ITGA3: variants seen among roughly 807,000 people sequenced by gnomAD.
The protein encoded by ITGA3 is integrin subunit alpha 3, also known as integrin alpha-3.
A neutral mutation model predicts 131.1 loss-of-function variants in ITGA3; 70 were observed. That is an observed-to-expected ratio of 0.53 (90% CI 0.44 to 0.65). ITGA3 has a LOEUF of 0.65. Ranked by LOEUF, ITGA3 falls within the 30% of genes least tolerant of loss-of-function variation. The pLI, the probability that ITGA3 is intolerant of heterozygous loss-of-function variation, is 0.00. For synonymous variants in ITGA3, 537 were observed against 571.6 expected (o/e 0.94, Z 0.86); for missense variants, 1,098 against 1,388.6 (o/e 0.79, Z 3.33).
rs868596321 is a variant in ITGA3 at position 50,062,956 on chromosome 17, C to A, written c.207-1121C>A. Reference sequence around the variant, plus strand: ...CAGGGAGGTGATGTGGGGAGAAAATCTGCTAAAACTGAGTTCTCAAACTGG... The same window carrying A: ...CAGGGAGGTGATGTGGGGAGAAAATATGCTAAAACTGAGTTCTCAAACTGG... On this transcript the variant is annotated intron_variant, in intron 1 of 25. Coordinates refer to ENST00000320031, the MANE Select transcript of ITGA3 (RefSeq NM_002204.4). Among the ~76,000 whole-genome samples the A allele has an allele frequency of 7.9e-5, 12 of 152,216 alleles. No homozygotes were observed. The South Asian group carries it at 8.3e-4, about 10-fold the overall frequency.
At position 50,090,164 on chromosome 17, in the gene ITGA3, A is replaced by C. The variant is rs1262041559; in HGVS notation, c.*1086A>C. The C allele has an allele frequency of 2.3e-6, 1 of 443,584 alleles. No individual in the cohort carries two copies. Among genetic ancestry groups the C allele is most frequent in the African/African-American group, 2.0e-5 (1 of 49,796 alleles). 27.5% of individuals were successfully genotyped at this position (443,584 alleles called of 1,614,324 possible). On this transcript the variant is annotated 3_prime_UTR_variant, in exon 26 of 26. Coordinates refer to ENST00000320031, the MANE Select transcript of ITGA3 (RefSeq NM_002204.4). ...AGCGACACTTGAATGTAGAATAGGC[A>C]GGGGGCCCTGCCCCACCCCATCCAG...
chr17:50,078,298 TCCACCA>T lies in ITGA3; in HGVS notation c.2297+17_2297+22del. 1 of 1,606,248 alleles carries T rather than the reference TCCACCA, an allele frequency of 6.2e-7. No individual in the cohort carries two copies. The highest frequency in any genetic ancestry group is 8.5e-7 in the Non-Finnish European group (1 of 1,174,092). ...CTCGCTTAGCATGTGGGTACCGCTC[TCCACCA>T]CCCCCACCCCAGCCTGCTGTGCCTA... On this transcript the variant is annotated intron_variant, in intron 18 of 25. Transcript: ENST00000320031.
intron 23 of ITGA3, 111 bp from the exon 24 acceptor site, chr17:50,087,633 C>T: frequency 7.9e-7 from 1 of 1,262,642 alleles, no homozygotes; most frequent in Non-Finnish European, 1.1e-6. Context: ...CAGGCTGCCC[C>T]CTACTGGCAG....
chr17:50,075,080 G>A (rs552575079), intron 10 of ITGA3, among the ~76,000 whole-genome samples: 15 of 152,218 alleles, frequency 9.9e-5, no homozygotes, highest in Non-Finnish European at 1.3e-4. Flanking sequence ...AGTGAATGAG[G>A]ATTTTGGATC....
Position 50,064,622 on chromosome 17 carries a change from A to C in ITGA3, c.414+15A>C. The C allele has an allele frequency of 1.2e-6, 2 of 1,606,434 alleles. No individual in the cohort carries two copies. The highest frequency in any genetic ancestry group is 1.7e-6 in the Non-Finnish European group (2 of 1,176,460). The stretch of plus-strand genomic sequence containing the variant: ...GCAGAGTTCTGGTAAGTGGGTGCTC[A>C]GTGTTGGCTCCTCCACCTCTACCCG... On this transcript the variant is annotated intron_variant, in intron 3 of 25. Transcript: ENST00000320031. The surrounding 1 kb of genome is among the most constrained non-coding windows in gnomAD (Gnocchi z 4.4).
intron 21 of ITGA3, 76 bp from the exon 22 acceptor site, chr17:50,080,185 GC>G: frequency 1.2e-6 from 1 of 852,958 alleles, no homozygotes. Flanking sequence ...CCTGGAAGGG[GC>G]GGGAGGTAAG....
chr17:50,087,762 T>G lies in ITGA3; in HGVS notation c.2938T>G (p.Ser980Ala). Reference sequence around the variant, plus strand: ...GCTCCAGTTCTCTGTGGACATTGACTCGGAGCTGGTGGAGGAGCTGCCGGC... The same window carrying G: ...GCTCCAGTTCTCTGTGGACATTGACGCGGAGCTGGTGGAGGAGCTGCCGGC... ...KTTWFSVDID[S>A]ELVEELPAEI... Residue 980 changes from serine to alanine, a missense_variant, in exon 24 of 26, where the codon TCG becomes GCG. Around this residue, in one of 3 missense-constraint regions of ITGA3, gnomAD observed 699 missense variants for 829.2 expected, o/e 0.84. Transcript: ENST00000320031. 1 of 1,613,280 alleles carries G rather than the reference T, an allele frequency of 6.2e-7. No homozygotes were observed.
At chr17:50,080,220 G>A in intron 21 of ITGA3, 42 bp from the exon 22 acceptor site, 1 of 1,208,090 alleles carries the variant, frequency 8.3e-7, no homozygotes, top group South Asian at 1.3e-5. Flanking sequence ...AGAATCTGGA[G>A]ACTCAGACTA....
In ITGA3 at chr17:50,074,210, A is replaced by G; in HGVS notation, c.1312A>G (p.Met438Val). ...ATFGYSLSGQ[M>V]DVDENFYPDL... ...CTTCGGCTATTCCCTCAGTGGGCAGATGGATGTGGATGAGAACTTCTACCC... is the reference window on the plus strand; with the variant it reads ...CTTCGGCTATTCCCTCAGTGGGCAGGTGGATGTGGATGAGAACTTCTACCC... The change falls in exon 9 of 26, where the codon ATG becomes GTG. Residue 438 changes from methionine (M) to valine (V), a missense_variant. By Grantham distance (21) the Met-to-Val change is conservative. Around this residue, in one of 3 missense-constraint regions of ITGA3, gnomAD observed 699 missense variants for 829.2 expected, o/e 0.84. Transcript: ENST00000320031. 1 of 1,614,200 alleles carries G rather than the reference A, an allele frequency of 6.2e-7. No homozygotes were observed. Among genetic ancestry groups the G allele is most frequent in the Non-Finnish European group, 8.5e-7 (1 of 1,180,014 alleles).
chr17:50,087,621 C>T (rs1909511814), intron 23 of ITGA3, 123 bp from the exon 24 acceptor site: 1 of 1,135,342 alleles, frequency 8.8e-7, no homozygotes, highest in African/African-American at 1.5e-5. Flanking sequence ...TTTTTCCAGT[C>T]CCAGGCTGCC....
At chr17:50,083,285 A>G (rs1909259030) in intron 23 of ITGA3, among the ~76,000 whole-genome samples, 1 of 152,246 alleles carries the variant, frequency 6.6e-6, no homozygotes, top group Admixed American at 6.5e-5. Flanking sequence ...AAAACCTAAC[A>G]TGCCAGGATA....
At chr17:50,070,959 T>C in intron 5 of ITGA3, 29 bp downstream of exon 5, 1 of 1,380,202 alleles carries the variant, frequency 7.2e-7, no homozygotes, top group Non-Finnish European at 1.0e-6. Context: ...GCCCATCAAG[T>C]GGTAGAGGGG....
At position 50,079,262 on chromosome 17, in the gene ITGA3, A is replaced by C; in HGVS notation, c.2583+4A>C. On this transcript the variant is annotated splice_donor_region_variant and intron_variant, in intron 20 of 25. Coordinates refer to ENST00000320031, the MANE Select transcript of ITGA3 (RefSeq NM_002204.4). ...CCCTCTCAACCTCACTCTTTCTGTAAGGACACTATCAGGGATATTTCATTT... is the reference window on the plus strand; with the variant it reads ...CCCTCTCAACCTCACTCTTTCTGTACGGACACTATCAGGGATATTTCATTT... 1 of 1,613,698 alleles carries C rather than the reference A, an allele frequency of 6.2e-7. No homozygotes were observed. The highest frequency in any genetic ancestry group is 8.5e-7 in the Non-Finnish European group (1 of 1,179,736).
At chr17:50,073,622 A>G (rs1271839394) in intron 7 of ITGA3, among the ~76,000 whole-genome samples, 20 of 137,292 alleles carry the variant, frequency 1.5e-4, no homozygotes, top group South Asian at 2.3e-4. Context: ...ACACACACAC[A>G]CACACACACA....
chr17:50,071,193 G>A, intron 5 of ITGA3, 118 bp from the exon 6 acceptor site: 1 of 944,806 alleles, frequency 1.1e-6, no homozygotes, highest in South Asian at 1.6e-5. Flanking sequence ...TGCCCTACTT[G>A]GAATAGTGGG....
At position 50,074,522 on chromosome 17, in the gene ITGA3, C is replaced by T. The variant is rs1223637668; in HGVS notation, c.1457C>T (p.Thr486Met). The change falls in exon 10 of 26, where the codon ACG becomes ATG. Residue 486 changes from threonine (T) to methionine (M), a missense_variant. Coordinates refer to ENST00000320031, the MANE Select transcript of ITGA3 (RefSeq NM_002204.4). ...GCTGTGCTGGACCCTGCACTTTGCA[C>T]GGCCACCTCTTGGTGAGATTGTTCT... is the stretch of plus-strand genomic sequence containing the variant. ...RPAVLDPALC[T>M]ATSCVQVELC... The T allele has an allele frequency of 3.7e-6, 6 of 1,612,004 alleles. No individual in the cohort carries two copies. Among genetic ancestry groups the T allele is most frequent in the South Asian group, 2.2e-5 (2 of 91,028 alleles).
At position 50,087,829 on chromosome 17, in the gene ITGA3, GGCT is replaced by G. The variant is rs752119020; in HGVS notation, c.3016_3018del (p.Leu1006del). ...CTGGTGCTGGTGGCCGTGGGTGCAG[GGCT>G]GCTGCTGCTGGGGCTGATCATCCTC... is the stretch of plus-strand genomic sequence containing the variant. On this transcript the variant is annotated inframe_deletion, in exon 24 of 26. Transcript: ENST00000320031. 5 of 1,608,964 alleles carry G rather than the reference GGCT, an allele frequency of 3.1e-6. No homozygotes were observed. The highest frequency in any genetic ancestry group is 4.2e-6 in the Non-Finnish European group (5 of 1,177,530).
At position 50,068,146 on chromosome 17, in the gene ITGA3, C is replaced by T; in HGVS notation, c.505C>T (p.Leu169=). ...CAAGTGCTACGTGCGAGGCAATGAC[C>T]TAGAGCTGGACTCCAGTGATGACTG... ...VGKCYVRGND[L]ELDSSDDWQT... is the part of the protein sequence containing the mutation. Residue 169 remains leucine (L), a synonymous_variant, in exon 4 of 26, where the codon CTA becomes TTA. Transcript: ENST00000320031. The T allele has an allele frequency of 6.2e-7, 1 of 1,614,192 alleles. No homozygotes were observed. Among genetic ancestry groups the T allele is most frequent in the Non-Finnish European group, 8.5e-7 (1 of 1,180,040 alleles).
Position 50,088,190 on chromosome 17 carries a change from C to G in ITGA3, c.3046-35C>G, listed in dbSNP as rs201717210. On this transcript the variant is annotated intron_variant, in intron 24 of 25. Coordinates refer to ENST00000320031, the MANE Select transcript of ITGA3 (RefSeq NM_002204.4). ...GCTGGTGAGGATAGCCCAGCGCCCC[C>G]CTGATGGCCCGTCCCCACCTCCTCC... 13,456 of 1,543,410 alleles carry G rather than the reference C, an allele frequency of 8.7e-3. 80 individuals carry two copies. Among genetic ancestry groups the G allele is most frequent in the Non-Finnish European group, 9.8e-3 (11,219 of 1,142,590 alleles).
Sources: gnomAD v4.1 joint callset for allele counts (sites outside exome capture counted in the v4.1 genomes callset) on GRCh38, gnomAD v4.1.1 for gene constraint, gnomAD v4.1.1 regional missense constraint, Gnocchi (gnomAD v3.1) non-coding constraint, MANE v1.5 for transcripts, NCBI Gene and HGNC (gene_info 2026-07-23, HGNC 2026-07-21) for gene names.